The following CMC1 variants were observed in gnomAD, a reference collection of about 807,000 sequenced individuals.
CMC1 encodes C-X9-C motif containing 1, also known as COX assembly mitochondrial protein homolog.
Under a neutral mutation model 14.1 loss-of-function variants are expected in CMC1, and 14 were observed. That is an observed-to-expected ratio of 0.99 (90% CI 0.66 to 1.55). CMC1 has a LOEUF of 1.55. Ranked by LOEUF, CMC1 falls within the 40% of genes most tolerant of loss-of-function variation. The probability of loss-of-function intolerance (pLI) is 0.00; values close to 1 mark genes in which losing one functional copy is unlikely to be tolerated. For synonymous variants in CMC1, 50 were observed against 38.4 expected, an observed-to-expected ratio of 1.30 and a Z score of -1.12; for missense variants, 127 against 123.8, an observed-to-expected ratio of 1.03 and a Z score of -0.12.
intron 1 of CMC1, among the ~76,000 whole-genome samples, chr3:28,251,628 T>C (rs549716157): frequency 6.6e-6 from 1 of 152,350 alleles, no homozygotes; most frequent in African/African-American, 2.4e-5. Flanking sequence ...GAGCAAAGGC[T>C]GAGTCTTTGA....
chr3:28,306,390 T>G (rs1702306916), intron 2 of CMC1, among the ~76,000 whole-genome samples: 1 of 152,066 alleles, frequency 6.6e-6, no homozygotes, highest in African/African-American at 2.4e-5. Context: ...GTAGAGCTCT[T>G]TCACCTCCTT....
At chr3:28,316,660 TATG>T in intron 3 of CMC1, 2 of 308,022 alleles carry the variant, frequency 6.5e-6, no homozygotes, top group East Asian at 5.3e-5. Context: ...GACAAAAATA[TATG>T]ATTTTTCACT....
chr3:28,292,644 G>A (rs907768108), intron 2 of CMC1: 1 of 152,082 alleles, frequency 6.6e-6, no homozygotes, highest in Non-Finnish European at 1.5e-5. Flanking sequence ...GCCTTAGGTA[G>A]ATTTCTAAGA....
At position 28,319,762 on chromosome 3, in the gene CMC1, T is replaced by TA; in HGVS notation, c.*133_*134insA. 5 of 777,554 alleles carry TA rather than the reference T, an allele frequency of 6.4e-6. No homozygotes were observed. The highest frequency in any genetic ancestry group is 7.7e-6 in the Non-Finnish European group (4 of 521,556). The allele number at this position is 777,554 out of a possible 1,614,324, so 48.2% of individuals were successfully genotyped here. ...ATATTAACTTTATCTGAAATAAATA[T>TA]TTTATTTCAAAGTTTTGGTTTCTTA... On this transcript the variant is annotated 3_prime_UTR_variant, in exon 4 of 4. Transcript: ENST00000466830.
chr3:28,296,183 T>C (rs1253150450), intron 2 of CMC1, among the ~76,000 whole-genome samples: 1 of 152,112 alleles, frequency 6.6e-6, no homozygotes, highest in East Asian at 1.9e-4. Context: ...AACTAGAATG[T>C]GACAGATACT....
At chr3:28,260,623 CCTCTTTTG>C (rs917728210) in intron 1 of CMC1, among the ~76,000 whole-genome samples, 3 of 148,486 alleles carry the variant, frequency 2.0e-5, no homozygotes, top group African/African-American at 7.5e-5. Flanking sequence ...TTTATCTTTT[CCTCTTTTG>C]CTTGCTTTGT....
At chr3:28,311,369 G>A (rs1181956430) in intron 2 of CMC1, among the ~76,000 whole-genome samples, 1 of 152,118 alleles carries the variant, frequency 6.6e-6, no homozygotes, top group Non-Finnish European at 1.5e-5. Context: ...GTCGCAGGGA[G>A]ACCTACAATT....
intron 1 of CMC1, among the ~76,000 whole-genome samples, chr3:28,252,072 T>C (rs962726068): frequency 1.3e-5 from 2 of 152,236 alleles, no homozygotes; most frequent in African/African-American, 4.8e-5. Context: ...AATTGGCATG[T>C]CTTATTGCAT....
intron 2 of CMC1, among the ~76,000 whole-genome samples, chr3:28,267,674 G>A (rs1235287818): frequency 6.6e-6 from 1 of 152,202 alleles, no homozygotes; most frequent in Admixed American, 6.5e-5. Flanking sequence ...AAAGAAGCTT[G>A]ATAAAATGCG....
At chr3:28,304,315 AT>A (rs1246638483) in intron 2 of CMC1, among the ~76,000 whole-genome samples, 1 of 150,826 alleles carries the variant, frequency 6.6e-6, no homozygotes, top group Non-Finnish European at 1.5e-5. Context: ...TTTTTTTTTC[AT>A]TTTCTGCCTA....
Position 28,274,212 on chromosome 3 carries a change from G to GTTTTTTTTTTT in CMC1, c.109+10839_109+10840insTTTTTTTTTTT, listed in dbSNP as rs376321066. On this transcript the variant is annotated intron_variant, in intron 2 of 3. Transcript: ENST00000466830. ...TTGGTCTTTGTACTAAAGTGTTTTT[G>GTTTTTTTTTTT]TTTTTTTCTTTTTTTTTTTTTTTGC... Among the ~76,000 whole-genome samples the GTTTTTTTTTTT allele has an allele frequency of 2.8e-3, 250 of 88,068 alleles. 20 individuals are homozygous for GTTTTTTTTTTT. The highest frequency in any genetic ancestry group is 4.0e-3 in the Non-Finnish European group (187 of 46,312). The allele number at this position is 88,068 out of a possible 152,430, so 57.8% of individuals were successfully genotyped here. A position where few individuals can be genotyped will look rare whatever the true frequency, so the allele number is the denominator to read the frequency against.
intron 1 of CMC1, among the ~76,000 whole-genome samples, chr3:28,243,763 A>G (rs1263871161): frequency 2.0e-5 from 3 of 151,428 alleles, no homozygotes; most frequent in African/African-American, 7.3e-5. Context: ...TGCTCCCAAT[A>G]AAGCTTATCT....
intron 2 of CMC1, among the ~76,000 whole-genome samples, chr3:28,301,871 CCTATAGTA>C (rs1702066238): frequency 6.6e-6 from 1 of 151,774 alleles, no homozygotes; most frequent in African/African-American, 2.4e-5. Context: ...CTTTTTTCAG[CCTATAGTA>C]CTCCCATCCC....
At chr3:28,269,873 C>T (rs1700194871) in intron 2 of CMC1, among the ~76,000 whole-genome samples, 1 of 152,174 alleles carries the variant, frequency 6.6e-6, no homozygotes, top group South Asian at 2.1e-4. Context: ...CCAATCCATA[C>T]CTAAGTATTA....
intron 2 of CMC1, among the ~76,000 whole-genome samples, chr3:28,265,983 G>A (rs890354685): frequency 6.6e-6 from 1 of 152,140 alleles, no homozygotes; most frequent in South Asian, 2.1e-4. Flanking sequence ...ACCATTACCA[G>A]CTGGGACACT....
intron 2 of CMC1, among the ~76,000 whole-genome samples, chr3:28,281,049 CTT>C (rs1480766952): frequency 6.6e-6 from 1 of 152,156 alleles, no homozygotes; most frequent in Non-Finnish European, 1.5e-5. Context: ...CTCTTTGGCT[CTT>C]TACCGAAAAC....
intron 1 of CMC1, among the ~76,000 whole-genome samples, chr3:28,248,187 A>G (rs1698925600): frequency 6.6e-6 from 1 of 152,230 alleles, no homozygotes; most frequent in Non-Finnish European, 1.5e-5. Context: ...ATAAAGAAAA[A>G]CATAATTTGA....
intron 1 of CMC1, among the ~76,000 whole-genome samples, chr3:28,262,774 T>A (rs1273276796): frequency 6.6e-6 from 1 of 152,162 alleles, no homozygotes; most frequent in Non-Finnish European, 1.5e-5. Context: ...AGTCCAGTTG[T>A]GGAAGTTGTG....
intron 2 of CMC1, among the ~76,000 whole-genome samples, chr3:28,301,996 G>GCC (rs1702074678): frequency 1.3e-5 from 2 of 152,188 alleles, no homozygotes; most frequent in Non-Finnish European, 1.5e-5. Context: ...GTAAGATGGA[G>GCC]TAGGAAACAC....
Sources: gnomAD v4.1 joint callset for allele counts (sites outside exome capture counted in the v4.1 genomes callset) on GRCh38, gnomAD v4.1.1 for gene constraint, MANE v1.5 for transcripts, NCBI Gene and HGNC (gene_info 2026-07-23, HGNC 2026-07-21) for gene names.